The following GLRA3 variants were observed in gnomAD, a reference collection of about 807,000 sequenced individuals.
GLRA3 encodes the protein glycine receptor subunit alpha-3.
Under a neutral mutation model 60.4 loss-of-function variants are expected in GLRA3, and 44 were observed. The ratio of observed to expected loss-of-function variants is 0.73; its 90% CI spans 0.57 to 0.94. The LOEUF (loss-of-function observed/expected upper bound fraction) is 0.94, where lower values mean the gene tolerates loss of function less well. Among genes scored for constraint, GLRA3 ranks in the 40% least tolerant of loss-of-function variants. The pLI is 0.00. For missense variants in GLRA3, 508 were observed against 564.6 expected (o/e 0.90, Z 1.02); for synonymous variants, 223 against 192.9 (o/e 1.16, Z -1.29).
At position 174,691,535 on chromosome 4, in the gene GLRA3, G is replaced by A. The variant is rs553417971; in HGVS notation, c.575-8596C>T. On this transcript the variant is annotated intron_variant, in intron 5 of 9. Coordinates refer to ENST00000274093, the MANE Select transcript of GLRA3 (RefSeq NM_006529.4). ...CTGCCGAGTGCCTGCGATTGCAGGC[G>A]CGCGCGCCGCCACGCCTGACTGGTT... 8.2e-3 allele frequency among the ~76,000 whole-genome samples: 1,251 copies of A among 152,124 alleles called. 12 individuals carry two copies. Among genetic ancestry groups the A allele is most frequent in the Middle Eastern group, 0.017 (5 of 292 alleles).
rs114267711 is a variant in GLRA3 at position 174,756,608 on chromosome 4, G to A, written c.267+10355C>T. Among the ~76,000 whole-genome samples, 659 of 151,462 alleles carry A rather than the reference G, an allele frequency of 4.4e-3. 3 individuals are homozygous for A. Among genetic ancestry groups the A allele is most frequent in the Middle Eastern group, 0.017 (5 of 286 alleles). ...GGAAGTAAACTCAATCTAATAAGGA[G>A]GATTTATGGGAAACCTACAGTTAAT... On this transcript the variant is annotated intron_variant, in intron 3 of 9. Transcript: ENST00000274093.
intron 4 of GLRA3, among the ~76,000 whole-genome samples, chr4:174,719,119 T>A (rs908560724): frequency 2.6e-5 from 4 of 151,586 alleles, no homozygotes; most frequent in Middle Eastern, 3.4e-3. Context: ...GCCCGCCACC[T>A]CGCCCGGCTA....
rs772484004 is a variant in GLRA3 at position 174,829,080 on chromosome 4, G to A, written c.-269C>T. 1 of 363,260 alleles carries A rather than the reference G, an allele frequency of 2.8e-6. No individual in the cohort carries two copies. The highest frequency in any genetic ancestry group is 2.1e-5 in the African/African-American group (1 of 48,110). 22.5% of individuals were successfully genotyped at this position (363,260 alleles called of 1,614,324 possible). A position where few individuals can be genotyped will look rare whatever the true frequency, so the allele number is the denominator to read the frequency against. The stretch of plus-strand genomic sequence containing the variant: ...TGAGATGAAATGTCTGAAGTGCCTA[G>A]GTGCTGGGCAACAGTTCTCTAAAGC... On this transcript the variant is annotated 5_prime_UTR_variant, in exon 1 of 10. Transcript: ENST00000274093.
intron 3 of GLRA3, among the ~76,000 whole-genome samples, chr4:174,748,224 CA>C (rs1337348809): frequency 6.6e-5 from 10 of 152,174 alleles, no homozygotes; most frequent in Admixed American, 5.9e-4. Context: ...TTAGAAAAGC[CA>C]AAGTAAGACA....
chr4:174,798,926 A>G (rs2111335264), intron 1 of GLRA3, among the ~76,000 whole-genome samples: 1 of 152,106 alleles, frequency 6.6e-6, no homozygotes, highest in African/African-American at 2.4e-5. Context: ...GCCTGAAAAA[A>G]GGAAAAAAAA....
chr4:174,811,563 A>G (rs548292562), intron 1 of GLRA3, among the ~76,000 whole-genome samples: 6 of 152,184 alleles, frequency 3.9e-5, no homozygotes, highest in Non-Finnish European at 8.8e-5. Context: ...GCCATAGGTT[A>G]TATCACAAAT....
chr4:174,660,075 T>C (rs1379515664), intron 7 of GLRA3, among the ~76,000 whole-genome samples: 1 of 151,718 alleles, frequency 6.6e-6, no homozygotes, highest in Non-Finnish European at 1.5e-5. Flanking sequence ...TATATACACA[T>C]ATATATATTC....
intron 3 of GLRA3, among the ~76,000 whole-genome samples, chr4:174,760,245 T>C (rs948737282): frequency 6.6e-6 from 1 of 152,290 alleles, no homozygotes; most frequent in Non-Finnish European, 1.5e-5. Flanking sequence ...AGGAAGTACA[T>C]GATAAGCAGG....
chr4:174,785,767 C>T (rs1270588136), intron 2 of GLRA3, among the ~76,000 whole-genome samples: 1 of 151,750 alleles, frequency 6.6e-6, no homozygotes, highest in East Asian at 1.9e-4. Context: ...TATCACAATT[C>T]CCATTCTTCT....
chr4:174,642,738 T>A lies in GLRA3; in HGVS notation c.*1048A>T. On this transcript the variant is annotated 3_prime_UTR_variant, in exon 10 of 10. Coordinates refer to ENST00000274093, the MANE Select transcript of GLRA3 (RefSeq NM_006529.4). ...TATCATTTAAAATTAAAACTTTCCC[T>A]ACTTATATTTGGAGATAGGAGTTGA... 1 of 731,894 alleles carries A rather than the reference T, an allele frequency of 1.4e-6. No homozygotes were observed. Among genetic ancestry groups the A allele is most frequent in the Non-Finnish European group, 1.7e-6 (1 of 599,036 alleles). 45.3% of individuals were successfully genotyped at this position (731,894 alleles called of 1,614,324 possible). A position where few individuals can be genotyped will look rare whatever the true frequency, so the allele number is the denominator to read the frequency against.
intron 3 of GLRA3, among the ~76,000 whole-genome samples, chr4:174,736,481 C>T (rs1184860288): frequency 6.6e-6 from 1 of 152,052 alleles, no homozygotes; most frequent in Non-Finnish European, 1.5e-5. Flanking sequence ...TCCTTTCCTC[C>T]TCCTCTAGTC....
Position 174,746,645 on chromosome 4 carries a change from G to C in GLRA3, c.268-17947C>G, listed in dbSNP as rs77905763. ...CATGTATATTTCACAGTAACTGGAA[G>C]AGTTACCAATATAGTTACCAGTTAC... On this transcript the variant is annotated intron_variant, in intron 3 of 9. Coordinates refer to ENST00000274093, the MANE Select transcript of GLRA3 (RefSeq NM_006529.4). Among the ~76,000 whole-genome samples, 945 of 152,286 alleles carry C rather than the reference G, an allele frequency of 6.2e-3. 9 individuals are homozygous for C. Among genetic ancestry groups the C allele is most frequent in the African/African-American group, 0.021 (870 of 41,558 alleles).
Position 174,677,151 on chromosome 4 carries a change from C to G in GLRA3, c.854G>C (p.Arg285Thr). ...CACAGTGGTTATCCCCAGAGCTACC[C>G]TGGCCGGTGCTGCATCCATGTTGAT... is the stretch of plus-strand genomic sequence containing the variant. ...FWINMDAAPA[R>T]VALGITTVLT... The change falls in exon 7 of 10, where the codon AGG (arginine) becomes ACG (threonine). Residue 285 changes from arginine to threonine, a missense_variant. This residue lies in a region of GLRA3 where 329 missense variants were observed against 349.3 expected (regional missense o/e 0.94). Coordinates refer to ENST00000274093, the MANE Select transcript of GLRA3 (RefSeq NM_006529.4). 1 of 1,613,496 alleles carries G rather than the reference C, an allele frequency of 6.2e-7. No homozygotes were observed. The highest frequency in any genetic ancestry group is 8.5e-7 in the Non-Finnish European group (1 of 1,179,496).
At chr4:174,694,139 C>T (rs779947530) in intron 5 of GLRA3, among the ~76,000 whole-genome samples, 16 of 152,108 alleles carry the variant, frequency 1.1e-4, no homozygotes, top group Middle Eastern at 3.4e-3. Context: ...AATAATAGCG[C>T]GAGACTTAAA....
chr4:174,801,234 T>C (rs1293528024), intron 1 of GLRA3, among the ~76,000 whole-genome samples: 1 of 152,044 alleles, frequency 6.6e-6, no homozygotes, highest in Non-Finnish European at 1.5e-5. Flanking sequence ...CTTGTCAAGG[T>C]CCTAATATCC....
At chr4:174,760,890 C>T (rs970440958) in intron 3 of GLRA3, among the ~76,000 whole-genome samples, 4 of 151,876 alleles carry the variant, frequency 2.6e-5, no homozygotes, top group Admixed American at 6.6e-5. Context: ...TGAAAAAAAC[C>T]TTGTCTACAT....
At chr4:174,794,150 A>T (rs984514253) in intron 1 of GLRA3, among the ~76,000 whole-genome samples, 17 of 152,168 alleles carry the variant, frequency 1.1e-4, no homozygotes, top group African/African-American at 2.9e-4. Context: ...ATAAGAAAAT[A>T]AAAAAATCAC....
At chr4:174,663,910 G>A (rs1733557175) in intron 7 of GLRA3, among the ~76,000 whole-genome samples, 1 of 152,102 alleles carries the variant, frequency 6.6e-6, no homozygotes, top group Non-Finnish European at 1.5e-5. Context: ...TGGAATCCTA[G>A]TTCTATATTC....
intron 2 of GLRA3, among the ~76,000 whole-genome samples, chr4:174,768,745 G>A (rs1337647220): frequency 1.3e-5 from 2 of 152,060 alleles, no homozygotes; most frequent in East Asian, 1.9e-4. Context: ...ATGCCAGTAG[G>A]TAGCACATTT....
Sources: allele counts gnomAD v4.1 joint callset (sites outside exome capture counted in the v4.1 genomes callset), GRCh38; gene constraint gnomAD v4.1.1; regional missense constraint gnomAD v4.1.1; transcripts MANE v1.5; gene names NCBI Gene and HGNC (gene_info 2026-07-23, HGNC 2026-07-21).